Variants in BICDL1 observed in about 807,000 individuals in gnomAD.
The protein encoded by BICDL1 is BICD family like cargo adaptor 1.
A neutral mutation model predicts 76.8 loss-of-function variants in BICDL1; 20 were observed. The ratio of observed to expected loss-of-function variants is 0.26; its 90% CI spans 0.18 to 0.38. The LOEUF (loss-of-function observed/expected upper bound fraction) is 0.38. Ranked by LOEUF, BICDL1 falls within the 10% of genes least tolerant of loss-of-function variation. The probability of loss-of-function intolerance (pLI) is 1.00; values close to 1 mark genes in which losing one functional copy is unlikely to be tolerated. For synonymous variants in BICDL1, 383 were observed against 337.1 expected (o/e 1.14, Z -1.49); for missense variants, 700 against 798.6 (o/e 0.88, Z 1.49).
In BICDL1 at chr12:120,080,649, C is replaced by T. The variant is rs1873895348; in HGVS notation, c.1453-238C>T. 1.0e-5 allele frequency: 4 copies of T among 388,154 alleles called. No individual in the cohort carries two copies. The South Asian group carries it at 1.2e-4, about 11-fold the overall frequency. The allele number at this position is 388,154 out of a possible 1,614,324, so 24.0% of individuals were successfully genotyped here. A position where few individuals can be genotyped will look rare whatever the true frequency, so the allele number is the denominator to read the frequency against. On this transcript the variant is annotated intron_variant, in intron 7 of 9. Coordinates refer to ENST00000548673, the MANE Select transcript of BICDL1 (RefSeq NM_001367886.1). The stretch of plus-strand genomic sequence containing the variant: ...AAGATCTGGCCTACGGCTGCAGGTC[C>T]AGAGCTAAATTCCCCCCAGCTCCCT...
chr12:120,091,037 AT>A (rs1566274505), intron 9 of BICDL1: 1 of 1,288,404 alleles, frequency 7.8e-7, no homozygotes, highest in East Asian at 5.6e-5. Context: ...TGAGCCCTAC[AT>A]CCCATCCACC....
At chr12:120,073,435 A>C (rs1246076297) in intron 6 of BICDL1, among the ~76,000 whole-genome samples, 1 of 152,208 alleles carries the variant, frequency 6.6e-6, no homozygotes, top group Non-Finnish European at 1.5e-5. Flanking sequence ...GTGAATTGGC[A>C]AAAGTAAAAG....
intron 2 of BICDL1, among the ~76,000 whole-genome samples, chr12:120,003,440 A>G (rs1480922302): frequency 1.3e-5 from 2 of 152,206 alleles, no homozygotes; most frequent in Non-Finnish European, 2.9e-5. Flanking sequence ...GATTATTAGA[A>G]CTATAACTGT....
At chr12:119,991,485 C>T (rs939407203) in intron 1 of BICDL1, among the ~76,000 whole-genome samples, 4 of 152,164 alleles carry the variant, frequency 2.6e-5, no homozygotes, top group Admixed American at 6.5e-5. Flanking sequence ...GTCTGCCAGT[C>T]GATGAACTCC....
chr12:119,994,304 G>T (rs933248683), intron 1 of BICDL1, among the ~76,000 whole-genome samples: 2 of 151,966 alleles, frequency 1.3e-5, no homozygotes, highest in Non-Finnish European at 1.5e-5. Flanking sequence ...CAGGGGTTCT[G>T]ATTTGCATTT....
rs537931760 is a variant in BICDL1 at position 120,044,744 on chromosome 12, CT to C, written c.646-16965del. 2.8e-4 allele frequency among the ~76,000 whole-genome samples: 43 copies of C among 152,180 alleles called. No homozygotes were observed. The East Asian group carries it at 8.1e-3, about 29-fold the overall frequency. On this transcript the variant is annotated intron_variant, in intron 2 of 9. Transcript: ENST00000548673. The stretch of plus-strand genomic sequence containing the variant: ...ATATGCGGCGTTATTTCTGAGGGCT[CT>C]GTTCTGTTCCATTGATCTATATCTC...
At chr12:120,010,910 GATA>G (rs749194665) in intron 2 of BICDL1, among the ~76,000 whole-genome samples, 1 of 152,156 alleles carries the variant, frequency 6.6e-6, no homozygotes, top group Non-Finnish European at 1.5e-5. Flanking sequence ...CCATCTCTTT[GATA>G]ATAAATGATA....
intron 2 of BICDL1, among the ~76,000 whole-genome samples, chr12:120,024,414 T>C (rs1426716507): frequency 6.6e-6 from 1 of 152,140 alleles, no homozygotes; most frequent in Non-Finnish European, 1.5e-5. Context: ...TTTCATGAAT[T>C]TGAGGACATA....
intron 7 of BICDL1, among the ~76,000 whole-genome samples, chr12:120,074,824 A>G (rs1594202935): frequency 1.3e-5 from 2 of 152,230 alleles, no homozygotes; most frequent in South Asian, 4.1e-4. Flanking sequence ...CATTTCCTCC[A>G]GTGACACTCT....
At chr12:120,030,201 T>C (rs77588394) in intron 2 of BICDL1, among the ~76,000 whole-genome samples, 1,887 of 152,300 alleles carry the variant, frequency 0.012, 39 homozygotes, top group East Asian at 0.043. Context: ...AAGTAAACAA[T>C]ACTGTATTAG....
intron 9 of BICDL1, chr12:120,091,782 C>T: frequency 1.0e-6 from 1 of 985,374 alleles, no homozygotes; most frequent in African/African-American, 1.7e-5. Flanking sequence ...TAGAATGACA[C>T]CCATGGGTGG....
intron 2 of BICDL1, among the ~76,000 whole-genome samples, chr12:120,018,598 G>A (rs958865727): frequency 5.3e-5 from 8 of 152,016 alleles, no homozygotes; most frequent in African/African-American, 1.9e-4. Context: ...GATGAACCTG[G>A]GTTTATTTTG....
In BICDL1 at chr12:120,027,023, AT is replaced by A. The variant is rs200921153; in HGVS notation, c.645+28290del. Among the ~76,000 whole-genome samples the A allele has an allele frequency of 2.8e-3, 386 of 137,310 alleles. 11 individuals carry two copies. The South Asian group carries it at 0.041, about 14-fold the overall frequency. 90.1% of individuals were successfully genotyped at this position (137,310 alleles called of 152,430 possible). A position where few individuals can be genotyped will look rare whatever the true frequency, so the allele number is the denominator to read the frequency against. On this transcript the variant is annotated intron_variant, in intron 2 of 9. Coordinates refer to ENST00000548673, the MANE Select transcript of BICDL1 (RefSeq NM_001367886.1). ...AAATGAGAACGAGAATAATGATGTA[AT>A]TTCTTTTTTTTTTTTTTTTTTTTTG... is the stretch of plus-strand genomic sequence containing the variant.
chr12:120,051,214 A>G (rs1952853244), intron 2 of BICDL1, among the ~76,000 whole-genome samples: 1 of 151,802 alleles, frequency 6.6e-6, no homozygotes, highest in African/African-American at 2.4e-5. Context: ...CACCTGGCTA[A>G]TTTTTGTATT....
At chr12:120,019,154 G>A (rs1952128268) in intron 2 of BICDL1, 1 of 151,984 alleles carries the variant, frequency 6.6e-6, no homozygotes, top group South Asian at 2.1e-4. Flanking sequence ...GAACCAGCCC[G>A]GGTTAGAAAC....
chr12:120,029,248 G>A lies in BICDL1; in HGVS notation c.645+30512G>A, dbSNP rs1394864429. On this transcript the variant is annotated intron_variant, in intron 2 of 9. Transcript: ENST00000548673. ...AGAATGTACTATGCAACCCCAGGGC[G>A]GTATTCTTCTCTGTGCCCTGAATTG... Among the ~76,000 whole-genome samples, 6 of 152,248 alleles carry A rather than the reference G, an allele frequency of 3.9e-5. No individual in the cohort carries two copies. The East Asian group carries it at 5.8e-4, about 15-fold the overall frequency.
chr12:120,074,335 C>T, intron 6 of BICDL1, 108 bp from the exon 7 acceptor site: 1 of 630,422 alleles, frequency 1.6e-6, no homozygotes, highest in South Asian at 5.3e-5. Context: ...CCTCCACTCT[C>T]CCCCATTTCT....
intron 2 of BICDL1, among the ~76,000 whole-genome samples, chr12:120,057,402 C>G (rs969563191): frequency 2.6e-5 from 4 of 152,216 alleles, no homozygotes; most frequent in African/African-American, 9.6e-5. Flanking sequence ...AACTCTCCCA[C>G]TTCTTCAAAG....
intron 2 of BICDL1, among the ~76,000 whole-genome samples, chr12:120,004,554 G>A (rs1951817331): frequency 6.6e-6 from 1 of 152,164 alleles, no homozygotes; most frequent in Non-Finnish European, 1.5e-5. Flanking sequence ...TAGGCCAAGA[G>A]ATACCTGGAG....
Sources: allele counts gnomAD v4.1 joint callset (sites outside exome capture counted in the v4.1 genomes callset), GRCh38; gene constraint gnomAD v4.1.1; transcripts MANE v1.5; gene names NCBI Gene and HGNC (gene_info 2026-07-23, HGNC 2026-07-21).